FAF1: variants seen among roughly 807,000 people sequenced by gnomAD.
FAF1 encodes FAS-associated factor 1.
A neutral mutation model predicts 92.5 loss-of-function variants in FAF1; 25 were observed. That is an observed-to-expected ratio of 0.27 (90% CI 0.20 to 0.38). The LOEUF (loss-of-function observed/expected upper bound fraction) is 0.38, where lower values mean the gene tolerates loss of function less well. Among genes scored for constraint, FAF1 ranks in the 10% least tolerant of loss-of-function variants. FAF1 has a pLI of 1.00. For synonymous variants in FAF1, 234 were observed against 273.2 expected, an observed-to-expected ratio of 0.86 and a Z score of 1.42; for missense variants, 636 against 793.3, an observed-to-expected ratio of 0.80 and a Z score of 2.38.
chr1:50,496,868 A>G (rs923686513), intron 15 of FAF1, among the ~76,000 whole-genome samples: 1 of 149,858 alleles, frequency 6.7e-6, no homozygotes, highest in Non-Finnish European at 1.5e-5. Flanking sequence ...CAGTCTGGGC[A>G]ACAAGAGTCA....
intron 2 of FAF1, among the ~76,000 whole-genome samples, chr1:50,815,848 A>G (rs1402480104): frequency 2.0e-5 from 3 of 151,978 alleles, no homozygotes; most frequent in African/African-American, 7.3e-5. Context: ...ACATGGTGAA[A>G]CCCTGTCTCT....
intron 1 of FAF1, among the ~76,000 whole-genome samples, chr1:50,871,817 G>C (rs1464786853): frequency 6.6e-6 from 1 of 152,112 alleles, no homozygotes; most frequent in African/African-American, 2.4e-5. Context: ...TTCAAGTCTT[G>C]TTATTTAGAA....
intron 1 of FAF1, among the ~76,000 whole-genome samples, chr1:50,948,746 A>C (rs1475934319): frequency 6.6e-6 from 1 of 151,914 alleles, no homozygotes; most frequent in Non-Finnish European, 1.5e-5. Flanking sequence ...GGCTGGTCTT[A>C]AACTCCTGAC....
chr1:50,690,038 C>A lies in FAF1; in HGVS notation c.657+15748G>T, dbSNP rs1194286866. Among the ~76,000 whole-genome samples, 85 of 147,772 alleles carry A rather than the reference C, an allele frequency of 5.8e-4. 1 individual carries two copies. The highest frequency in any genetic ancestry group is 4.0e-3 in the Admixed American group (59 of 14,880). On this transcript the variant is annotated intron_variant, in intron 7 of 18. Coordinates refer to ENST00000396153, the MANE Select transcript of FAF1 (RefSeq NM_007051.3). ...TGAGATGGAGTCTTGCTCTGTCACC[C>A]AGGCTGGAGTGCAGTGGTGCGATCT...
chr1:50,872,695 G>A (rs1210032182), intron 1 of FAF1, among the ~76,000 whole-genome samples: 4 of 152,066 alleles, frequency 2.6e-5, no homozygotes, highest in Admixed American at 1.3e-4. Context: ...TCAGGAGTTC[G>A]AGACCAGGCT....
At chr1:50,910,835 G>C (rs932382060) in intron 1 of FAF1, among the ~76,000 whole-genome samples, 1 of 152,044 alleles carries the variant, frequency 6.6e-6, no homozygotes, top group Non-Finnish European at 1.5e-5. Flanking sequence ...CTTCCCGGGT[G>C]AGGCAATGCC....
intron 13 of FAF1, among the ~76,000 whole-genome samples, chr1:50,552,245 T>A (rs1649341701): frequency 6.7e-6 from 1 of 149,056 alleles, no homozygotes; most frequent in Non-Finnish European, 1.5e-5. Flanking sequence ...TGCAGTGAGC[T>A]GAGATTGTGC....
chr1:50,734,713 G>A (rs1461747359), intron 6 of FAF1, among the ~76,000 whole-genome samples: 1 of 147,594 alleles, frequency 6.8e-6, no homozygotes, highest in Non-Finnish European at 1.5e-5. Flanking sequence ...CAGCCTGGGC[G>A]ATAGAGCGAG....
intron 12 of FAF1, among the ~76,000 whole-genome samples, chr1:50,575,457 T>C (rs1650682620): frequency 6.6e-6 from 1 of 152,230 alleles, no homozygotes; most frequent in Admixed American, 6.5e-5. Context: ...TTATAGATTT[T>C]TTTAAAAATC....
At chr1:50,455,315 T>C (rs902311211) in intron 18 of FAF1, among the ~76,000 whole-genome samples, 39 of 152,234 alleles carry the variant, frequency 2.6e-4, no homozygotes, top group African/African-American at 9.2e-4. Context: ...TTAAGCAACA[T>C]TTTCAATGCA....
At chr1:50,443,948 C>A (rs1050033908) in intron 18 of FAF1, among the ~76,000 whole-genome samples, 3 of 152,140 alleles carry the variant, frequency 2.0e-5, no homozygotes, top group South Asian at 2.1e-4. Context: ...TCTCTGGAGA[C>A]CCCCGTCTAC....
intron 2 of FAF1, among the ~76,000 whole-genome samples, chr1:50,844,104 T>A (rs1644279124): frequency 1.3e-5 from 2 of 152,202 alleles, no homozygotes; most frequent in Non-Finnish European, 2.9e-5. Context: ...CATTATGGTT[T>A]TGGTTAGCAT....
At chr1:50,663,415 AT>A (rs1188471030) in intron 7 of FAF1, among the ~76,000 whole-genome samples, 3,723 of 135,866 alleles carry the variant, frequency 0.027, 42 homozygotes, top group Non-Finnish European at 0.038. Flanking sequence ...TTTAATTTCA[AT>A]TTTTTTTTTT....
intron 3 of FAF1, among the ~76,000 whole-genome samples, chr1:50,801,381 G>GA (rs1378777885): frequency 6.6e-6 from 1 of 152,128 alleles, no homozygotes; most frequent in Non-Finnish European, 1.5e-5. Flanking sequence ...GGATAAGCTT[G>GA]AAAAGCTTTC....
At chr1:50,442,550 C>A (rs1004194547) in intron 18 of FAF1, among the ~76,000 whole-genome samples, 1 of 152,210 alleles carries the variant, frequency 6.6e-6, no homozygotes, top group African/African-American at 2.4e-5. Flanking sequence ...GATAAATGGG[C>A]AACTCCAAGT....
At chr1:50,845,974 A>T (rs1435991226) in intron 2 of FAF1, among the ~76,000 whole-genome samples, 1 of 151,912 alleles carries the variant, frequency 6.6e-6, no homozygotes, top group Non-Finnish European at 1.5e-5. Context: ...AATACAAAAA[A>T]TTAGCTGGGC....
intron 15 of FAF1, among the ~76,000 whole-genome samples, chr1:50,514,392 T>C (rs1572798942): frequency 6.6e-6 from 1 of 152,222 alleles, no homozygotes; most frequent in Non-Finnish European, 1.5e-5. Context: ...AAAATCATTA[T>C]CTGCTGGTGC....
intron 13 of FAF1, among the ~76,000 whole-genome samples, chr1:50,565,923 C>A (rs1166659668): frequency 6.6e-6 from 1 of 152,030 alleles, no homozygotes; most frequent in Non-Finnish European, 1.5e-5. Context: ...CATGAAAGAC[C>A]TTCGATGTGG....
At chr1:50,670,530 A>G (rs972426544) in intron 7 of FAF1, among the ~76,000 whole-genome samples, 2 of 152,240 alleles carry the variant, frequency 1.3e-5, no homozygotes, top group Non-Finnish European at 2.9e-5. Flanking sequence ...GCTTCACTTC[A>G]TTCTTATTTC....
Sources: allele counts gnomAD v4.1 joint callset (sites outside exome capture counted in the v4.1 genomes callset), GRCh38; gene constraint gnomAD v4.1.1; transcripts MANE v1.5; gene names NCBI Gene and HGNC (gene_info 2026-07-23, HGNC 2026-07-21).